TENT4A: variants seen among roughly 807,000 people sequenced by gnomAD.
TENT4A encodes terminal nucleotidyltransferase 4A, also known as DNA polymerase kappa.
In TENT4A, 7 loss-of-function variants were observed where a neutral mutation model predicts 72.8. That is an observed-to-expected ratio of 0.10 (90% CI 0.05 to 0.18). The LOEUF (loss-of-function observed/expected upper bound fraction) is 0.18, where lower values mean the gene tolerates loss of function less well. Among genes scored for constraint, TENT4A ranks in the 10% least tolerant of loss-of-function variants. The pLI is 1.00. For missense variants in TENT4A, 831 were observed against 1,017.7 expected (o/e 0.82, Z 2.50); for synonymous variants, 456 against 434.3 (o/e 1.05, Z -0.62).
At chr5:6,734,713 T>C (rs956061777) in intron 1 of TENT4A, among the ~76,000 whole-genome samples, 3 of 152,262 alleles carry the variant, frequency 2.0e-5, no homozygotes, top group Non-Finnish European at 1.5e-5. Context: ...GCTTACTGTT[T>C]GGACACAATG....
At chr5:6,737,763 T>C (rs1032543438) in intron 2 of TENT4A, 130 bp downstream of exon 2, 1 of 1,061,338 alleles carries the variant, frequency 9.4e-7, no homozygotes, top group Non-Finnish European at 1.3e-6. Context: ...GTTCTCCAAG[T>C]GTGCTTTGAG....
intron 7 of TENT4A, among the ~76,000 whole-genome samples, chr5:6,747,392 A>AT (rs1209576218): frequency 6.6e-6 from 1 of 151,764 alleles, no homozygotes; most frequent in African/African-American, 2.4e-5. Context: ...TGTTTTTTGC[A>AT]TTTGTATTTT....
chr5:6,719,736 C>CA (rs1740555744), intron 1 of TENT4A, among the ~76,000 whole-genome samples: 1 of 152,166 alleles, frequency 6.6e-6, no homozygotes, highest in South Asian at 2.1e-4. Flanking sequence ...CCTTTTCTCC[C>CA]AACACTGGGG....
intron 12 of TENT4A, among the ~76,000 whole-genome samples, chr5:6,753,330 C>T (rs977920154): frequency 6.6e-6 from 1 of 152,226 alleles, no homozygotes; most frequent in Non-Finnish European, 1.5e-5. Flanking sequence ...AGACTTTTCC[C>T]ATTTACATAA....
In TENT4A at chr5:6,717,042, C is replaced by T. The variant is rs79394823; in HGVS notation, c.716+2343C>T. Among the ~76,000 whole-genome samples, 15 of 152,328 alleles carry T rather than the reference C, an allele frequency of 9.8e-5. 1 individual carries two copies. The highest frequency in any genetic ancestry group is 3.6e-4 in the African/African-American group (15 of 41,564). On this transcript the variant is annotated intron_variant, in intron 1 of 12. Transcript: ENST00000230859. Reference sequence around the variant, plus strand: ...CTACTCTTTCAGAAGCAAACCTAAGCTGTGGTAGAGTTGGGCCTGTGGCTA... The same window carrying T: ...CTACTCTTTCAGAAGCAAACCTAAGTTGTGGTAGAGTTGGGCCTGTGGCTA...
intron 12 of TENT4A, among the ~76,000 whole-genome samples, chr5:6,754,086 G>A (rs1473564286): frequency 6.6e-6 from 1 of 152,230 alleles, no homozygotes; most frequent in African/African-American, 2.4e-5. Context: ...TGCTGAGGGC[G>A]AGAGCGCCAG....
chr5:6,752,755 G>A (rs1742479206), intron 11 of TENT4A, 118 bp from the exon 12 acceptor site: 1 of 777,356 alleles, frequency 1.3e-6, no homozygotes, highest in Non-Finnish European at 2.2e-6. Flanking sequence ...CTGCTCTATG[G>A]AGCCCACATG....
At chr5:6,733,431 C>A (rs1741305406) in intron 1 of TENT4A, among the ~76,000 whole-genome samples, 1 of 152,254 alleles carries the variant, frequency 6.6e-6, no homozygotes, top group South Asian at 2.1e-4. Context: ...GAGATGCCAC[C>A]TTTGTGATCC....
chr5:6,756,020 C>T lies in TENT4A; in HGVS notation c.*1075C>T, dbSNP rs751289625. On this transcript the variant is annotated 3_prime_UTR_variant, in exon 13 of 13. Transcript: ENST00000230859. ...TGTGGAGAAAGGAATTCTGTTGATT[C>T]CGTTGAGGAATCTGTAGCGTATGCA... 1 of 152,302 alleles carries T rather than the reference C, an allele frequency of 6.6e-6. No individual in the cohort carries two copies. The highest frequency in any genetic ancestry group is 1.5e-5 in the Non-Finnish European group (1 of 68,052). 9.4% of individuals were successfully genotyped at this position (152,302 alleles called of 1,614,324 possible). A position where few individuals can be genotyped will look rare whatever the true frequency, so the allele number is the denominator to read the frequency against.
At chr5:6,722,008 G>A (rs1044609416) in intron 1 of TENT4A, among the ~76,000 whole-genome samples, 8 of 152,220 alleles carry the variant, frequency 5.3e-5, no homozygotes, top group Non-Finnish European at 1.2e-4. Context: ...GAAATGAAAA[G>A]TCGAATGTAT....
chr5:6,741,188 T>C (rs868444318), intron 4 of TENT4A, among the ~76,000 whole-genome samples: 1 of 152,204 alleles, frequency 6.6e-6, no homozygotes, highest in South Asian at 2.1e-4. Context: ...TATCTTTTCC[T>C]CTGTTACCTG....
chr5:6,731,723 G>T lies in TENT4A; in HGVS notation c.717-5787G>T, dbSNP rs549627660. On this transcript the variant is annotated intron_variant, in intron 1 of 12. Coordinates refer to ENST00000230859, the MANE Select transcript of TENT4A (RefSeq NM_006999.6). ...CCTGGCTTGAAACTTCTTGTAACCA[G>T]ATTGGAGGAGGAGGGCATGTTCATT... Among the ~76,000 whole-genome samples, 5 of 152,182 alleles carry T rather than the reference G, an allele frequency of 3.3e-5. 1 individual carries two copies. The highest frequency in any genetic ancestry group is 4.1e-4 in the South Asian group (2 of 4,820).
intron 1 of TENT4A, among the ~76,000 whole-genome samples, chr5:6,724,538 C>T (rs772413124): frequency 1.3e-5 from 2 of 151,698 alleles, no homozygotes; most frequent in Admixed American, 1.3e-4. Context: ...TGCTGAAGGA[C>T]GAGTGTGACA....
chr5:6,734,289 C>T (rs952077035), intron 1 of TENT4A, among the ~76,000 whole-genome samples: 1 of 152,360 alleles, frequency 6.6e-6, no homozygotes, highest in African/African-American at 2.4e-5. Context: ...GTCAGTGTTC[C>T]GCCTTGCTGC....
In TENT4A at chr5:6,754,899, A is replaced by AAC. The variant is rs768847736; in HGVS notation, c.2346_2347dup (p.Arg783HisfsTer7). The AAC allele has an allele frequency of 2.0e-5, 32 of 1,598,768 alleles. No individual in the cohort carries two copies. The highest frequency in any genetic ancestry group is 6.8e-5 in the East Asian group (3 of 44,350). On this transcript the variant is annotated frameshift_variant, in exon 13 of 13. Transcript: ENST00000230859. LOFTEE classifies it high-confidence loss of function. ...AACCGCACCGGCTGGAGGAGGAAAAAACACACACACACACGGGACAGTCTG... is the reference window on the plus strand; with the variant it reads ...AACCGCACCGGCTGGAGGAGGAAAAAACACACACACACACACGGGACAGTCTG...
At position 6,752,968 on chromosome 5, in the gene TENT4A, C is replaced by T; in HGVS notation, c.2115C>T (p.His705=). 2 of 1,614,186 alleles carry T rather than the reference C, an allele frequency of 1.2e-6. No homozygotes were observed. Among genetic ancestry groups the T allele is most frequent in the Non-Finnish European group, 1.7e-6 (2 of 1,180,036 alleles). Residue 705 remains histidine, a synonymous_variant, in exon 12 of 13, where the codon CAC becomes CAT. Coordinates refer to ENST00000230859, the MANE Select transcript of TENT4A (RefSeq NM_006999.6). ...VEGTASLKAV[H]HMSSPAIPSA... ...GAACTGCGTCTTTGAAAGCCGTCCA[C>T]CACATGTCTTCCCCGGCCATTCCCT...
intron 7 of TENT4A, among the ~76,000 whole-genome samples, chr5:6,747,156 C>G (rs1231841818): frequency 2.0e-5 from 3 of 152,196 alleles, no homozygotes; most frequent in Admixed American, 6.5e-5. Flanking sequence ...GATTGAGCGT[C>G]TGTTAGGTGA....
intron 1 of TENT4A, among the ~76,000 whole-genome samples, chr5:6,732,171 A>G (rs761079128): frequency 6.6e-6 from 1 of 152,212 alleles, no homozygotes; most frequent in Non-Finnish European, 1.5e-5. Flanking sequence ...TGGGAGAGAT[A>G]CAAAGCGCCT....
intron 1 of TENT4A, among the ~76,000 whole-genome samples, chr5:6,727,901 C>G (rs771095719): frequency 6.6e-6 from 1 of 152,148 alleles, no homozygotes; most frequent in Non-Finnish European, 1.5e-5. Context: ...AGCTGCAGAC[C>G]ACGAATCCCA....
Sources: allele counts gnomAD v4.1 joint callset (sites outside exome capture counted in the v4.1 genomes callset), GRCh38; gene constraint gnomAD v4.1.1; transcripts MANE v1.5; gene names NCBI Gene and HGNC (gene_info 2026-07-23, HGNC 2026-07-21).